The following DGKI variants were observed in gnomAD, a reference collection of about 807,000 sequenced individuals.
DGKI encodes diacylglycerol kinase iota.
DGKI carries 55 observed loss-of-function variants against 147.5 expected under a neutral mutation model. The observed-to-expected ratio is 0.37, with a 90% CI of 0.30 to 0.47. DGKI has a LOEUF of 0.47. Ranked by LOEUF, DGKI falls within the 20% of genes least tolerant of loss-of-function variation. The probability of loss-of-function intolerance (pLI) is 1.00; values close to 1 mark genes in which losing one functional copy is unlikely to be tolerated. For synonymous variants in DGKI, 469 were observed against 477.1 expected (o/e 0.98, Z 0.22); for missense variants, 1,007 against 1,323.8 (o/e 0.76, Z 3.71).
intron 1 of DGKI, among the ~76,000 whole-genome samples, chr7:137,839,168 T>G (rs1413869555): frequency 6.6e-6 from 1 of 152,196 alleles, no homozygotes; most frequent in Non-Finnish European, 1.5e-5. Context: ...GCCTCTCTCC[T>G]CCGACCTCTG....
At chr7:137,591,546 C>T (rs771188304) in intron 12 of DGKI, among the ~76,000 whole-genome samples, 1 of 152,118 alleles carries the variant, frequency 6.6e-6, no homozygotes, top group Non-Finnish European at 1.5e-5. Context: ...GACAGCACAG[C>T]GCAGAAGTGT....
intron 28 of DGKI, among the ~76,000 whole-genome samples, chr7:137,423,986 G>A (rs1812682534): frequency 6.6e-6 from 1 of 152,020 alleles, no homozygotes; most frequent in African/African-American, 2.4e-5. Context: ...ATCTACTTTA[G>A]GTATTTCTCC....
At chr7:137,815,186 AT>A (rs1738681877) in intron 1 of DGKI, among the ~76,000 whole-genome samples, 1 of 152,168 alleles carries the variant, frequency 6.6e-6, no homozygotes. Flanking sequence ...TTAAAAATTC[AT>A]CCCCCCTCCT....
chr7:137,682,444 G>A (rs1563148388), intron 2 of DGKI, among the ~76,000 whole-genome samples: 1 of 152,008 alleles, frequency 6.6e-6, no homozygotes, highest in Non-Finnish European at 1.5e-5. Flanking sequence ...CTCCCTTACA[G>A]GACTACAATG....
chr7:137,445,231 G>C (rs117859639), intron 27 of DGKI, among the ~76,000 whole-genome samples: 5,180 of 152,298 alleles, frequency 0.034, 147 homozygotes, highest in Non-Finnish European at 0.052. Context: ...TGTTTATTAT[G>C]TGAGTGAACA....
chr7:137,615,445 T>A (rs2128995246), intron 8 of DGKI, among the ~76,000 whole-genome samples: 1 of 152,144 alleles, frequency 6.6e-6, no homozygotes, highest in East Asian at 1.9e-4. Context: ...ATGAACTGAA[T>A]TCAATTAAGA....
rs184860391 is a variant in DGKI at position 137,385,110 on chromosome 7, A to C, written c.*6110T>G. The C allele has an allele frequency of 9.2e-5, 14 of 152,242 alleles. No homozygotes were observed. Among genetic ancestry groups the C allele is most frequent in the Admixed American group, 1.3e-4 (2 of 15,276 alleles). 9.4% of individuals were successfully genotyped at this position (152,242 alleles called of 1,614,324 possible). A position where few individuals can be genotyped will look rare whatever the true frequency, so the allele number is the denominator to read the frequency against. ...ACTTTTTTATATTGGATGGACAGTA[A>C]GACAGATTTCTAATAGAATTTTACT... On this transcript the variant is annotated 3_prime_UTR_variant, in exon 33 of 33. Transcript: ENST00000614521.
intron 30 of DGKI, among the ~76,000 whole-genome samples, chr7:137,404,514 CATA>C (rs1380342564): frequency 6.6e-6 from 1 of 152,098 alleles, no homozygotes; most frequent in African/African-American, 2.4e-5. Flanking sequence ...GACTGAACAT[CATA>C]ATAACATTTT....
intron 6 of DGKI, among the ~76,000 whole-genome samples, chr7:137,623,852 G>T (rs1197184852): frequency 6.6e-6 from 1 of 151,866 alleles, no homozygotes; most frequent in African/African-American, 2.4e-5. Flanking sequence ...AATAAATGTT[G>T]TTCTGATATG....
At chr7:137,413,904 T>G (rs928110812) in intron 28 of DGKI, among the ~76,000 whole-genome samples, 1 of 152,208 alleles carries the variant, frequency 6.6e-6, no homozygotes, top group Admixed American at 6.5e-5. Flanking sequence ...CTAACAACAG[T>G]GTATAAGCAT....
intron 1 of DGKI, among the ~76,000 whole-genome samples, chr7:137,777,033 A>T (rs539006103): frequency 1.1e-3 from 167 of 151,912 alleles, no homozygotes; most frequent in Middle Eastern, 3.4e-3. Context: ...AAAAAAAAAA[A>T]TTTTTTTTAA....
intron 1 of DGKI, among the ~76,000 whole-genome samples, chr7:137,792,466 G>A (rs1796884796): frequency 6.6e-6 from 1 of 152,180 alleles, no homozygotes; most frequent in Non-Finnish European, 1.5e-5. Context: ...CTGATTTTGA[G>A]AAACAGAAGT....
intron 28 of DGKI, among the ~76,000 whole-genome samples, chr7:137,433,905 G>C (rs1169104853): frequency 6.6e-6 from 1 of 152,058 alleles, no homozygotes; most frequent in Admixed American, 6.5e-5. Context: ...ATCACATGAG[G>C]TCAGGAGTTC....
At position 137,397,365 on chromosome 7, in the gene DGKI, G is replaced by A. The variant is rs1811590894; in HGVS notation, c.2957+12C>T. The A allele has an allele frequency of 6.2e-7, 1 of 1,612,426 alleles. No homozygotes were observed. The highest frequency in any genetic ancestry group is 1.1e-5 in the South Asian group (1 of 90,850). ...AAATAACCTAGACTATGTAATAAAA[G>A]GCAACACTCACGTTTCACTGTCTGC... On this transcript the variant is annotated intron_variant, in intron 31 of 32. Coordinates refer to ENST00000614521, the MANE Select transcript of DGKI (RefSeq NM_001321708.2).
At chr7:137,775,484 T>C (rs1796338126) in intron 1 of DGKI, among the ~76,000 whole-genome samples, 1 of 152,216 alleles carries the variant, frequency 6.6e-6, no homozygotes, top group African/African-American at 2.4e-5. Context: ...AAATGAATTT[T>C]AGAATTAATT....
intron 3 of DGKI, among the ~76,000 whole-genome samples, chr7:137,673,146 C>T (rs923117474): frequency 6.6e-6 from 1 of 152,114 alleles, no homozygotes. Flanking sequence ...CAGATGAACT[C>T]ATCCTAATTA....
At chr7:137,536,253 C>T (rs945709570) in intron 20 of DGKI, among the ~76,000 whole-genome samples, 7 of 152,136 alleles carry the variant, frequency 4.6e-5, no homozygotes, top group African/African-American at 1.7e-4. Flanking sequence ...GGCAAGTTTC[C>T]TACCATTTCT....
intron 21 of DGKI, among the ~76,000 whole-genome samples, chr7:137,509,306 G>C (rs545859164): frequency 6.6e-6 from 1 of 152,150 alleles, no homozygotes; most frequent in Admixed American, 6.5e-5. Flanking sequence ...TTAGGTGAGT[G>C]ACTGGAGGAT....
intron 3 of DGKI, among the ~76,000 whole-genome samples, chr7:137,661,136 C>A (rs929107420): frequency 1.3e-5 from 2 of 152,154 alleles, no homozygotes; most frequent in East Asian, 3.8e-4. Context: ...GACTACATAG[C>A]TTCTACTGCG....
Sources: gnomAD v4.1 joint callset for allele counts (sites outside exome capture counted in the v4.1 genomes callset) on GRCh38, gnomAD v4.1.1 for gene constraint, MANE v1.5 for transcripts, NCBI Gene and HGNC (gene_info 2026-07-23, HGNC 2026-07-21) for gene names.